Variants in ASPH observed in about 807,000 individuals in gnomAD.
ASPH encodes the protein aspartate beta-hydroxylase, also known as aspartyl/asparaginyl beta-hydroxylase.
A neutral mutation model predicts 118.4 loss-of-function variants in ASPH; 100 were observed. That is an observed-to-expected ratio of 0.84 (90% confidence interval 0.72 to 1.00). The LOEUF (loss-of-function observed/expected upper bound fraction) is 1.00, where lower values mean the gene tolerates loss of function less well. ASPH is among the 50% of genes least tolerant of loss of function. The pLI is 0.00. For missense variants in ASPH, 920 were observed against 919.5 expected (o/e 1.00, Z -0.01); for synonymous variants, 315 against 325.6 (o/e 0.97, Z 0.35).
chr8:61,562,639 CT>C (rs1484578433), intron 18 of ASPH, 104 bp downstream of exon 18: 4 of 1,162,190 alleles, frequency 3.4e-6, no homozygotes, highest in African/African-American at 1.6e-5. Context: ...TACTTACATG[CT>C]TTTTAACTTA....
intron 13 of ASPH, among the ~76,000 whole-genome samples, chr8:61,628,016 C>A (rs1225627204): frequency 1.3e-5 from 2 of 152,042 alleles, no homozygotes; most frequent in African/African-American, 4.8e-5. Context: ...CAGCCAAGCT[C>A]CCACCATTTT....
intron 14 of ASPH, chr8:61,607,408 A>C: frequency 3.3e-6 from 2 of 609,364 alleles, no homozygotes; most frequent in East Asian, 5.7e-5. Flanking sequence ...AATGAACTCA[A>C]AGGCAAAAAT....
intron 3 of ASPH, chr8:61,676,410 T>A (rs1825410643): frequency 8.3e-7 from 1 of 1,204,666 alleles, no homozygotes; most frequent in East Asian, 2.5e-5. Context: ...AAAAGCGAGG[T>A]GCATCAAGGT....
chr8:61,681,698 G>A lies in ASPH; in HGVS notation c.254-662C>T, dbSNP rs182024734. ...TATTCTACTTAACTTAATCAGCACA[G>A]GCAATCTATACTAAGAAAAAAAGGG... On this transcript the variant is annotated intron_variant, in intron 2 of 24. Coordinates refer to ENST00000379454, the MANE Select transcript of ASPH (RefSeq NM_004318.4). Among the ~76,000 whole-genome samples the A allele has an allele frequency of 2.6e-5, 4 of 151,790 alleles. No homozygotes were observed. In the East Asian group the frequency reaches 7.7e-4, roughly 29 times the overall value.
At chr8:61,515,168 C>G (rs1248669301) in intron 24 of ASPH, among the ~76,000 whole-genome samples, 3 of 152,092 alleles carry the variant, frequency 2.0e-5, no homozygotes, top group African/African-American at 7.2e-5. Context: ...GCTGGGTGCT[C>G]TTCTCCATCT....
At chr8:61,608,577 A>T (rs1364370931) in intron 14 of ASPH, among the ~76,000 whole-genome samples, 6 of 152,324 alleles carry the variant, frequency 3.9e-5, no homozygotes, top group East Asian at 1.9e-4. Flanking sequence ...ATATTTTATT[A>T]AAAAACCCCT....
chr8:61,600,104 A>C (rs562253328), intron 14 of ASPH, among the ~76,000 whole-genome samples: 5 of 152,338 alleles, frequency 3.3e-5, no homozygotes, highest in African/African-American at 9.6e-5. Context: ...ATGGTTCAAC[A>C]TATGAAAATA....
At chr8:61,603,267 CA>C (rs1210981969) in intron 14 of ASPH, among the ~76,000 whole-genome samples, 2 of 147,712 alleles carry the variant, frequency 1.4e-5, no homozygotes, top group African/African-American at 5.0e-5. Flanking sequence ...TGGATACTTT[CA>C]CTGAATAATC....
intron 14 of ASPH, among the ~76,000 whole-genome samples, chr8:61,595,854 T>C (rs1312797143): frequency 1.3e-5 from 2 of 152,118 alleles, no homozygotes; most frequent in Non-Finnish European, 2.9e-5. Context: ...TGTTGGCACC[T>C]AAGCATATCA....
At chr8:61,662,739 A>T in intron 3 of ASPH, 1 of 619,688 alleles carries the variant, frequency 1.6e-6, no homozygotes, top group Non-Finnish European at 2.0e-6. Context: ...AAGTGCTTTT[A>T]AAGGATCTTT....
At chr8:61,556,125 G>T (rs1441643074) in intron 18 of ASPH, 103 bp from the exon 19 acceptor site, 2 of 922,328 alleles carry the variant, frequency 2.2e-6, no homozygotes, top group African/African-American at 1.7e-5. Context: ...TAGCTTTGTT[G>T]TACTTGGATT....
chr8:61,531,365 C>G (rs1225751724), intron 21 of ASPH, among the ~76,000 whole-genome samples: 1 of 152,112 alleles, frequency 6.6e-6, no homozygotes, highest in Non-Finnish European at 1.5e-5. Flanking sequence ...TGGTACTGGG[C>G]TCCCTAATTA....
chr8:61,542,221 T>C (rs909294498), intron 21 of ASPH, among the ~76,000 whole-genome samples: 1 of 152,242 alleles, frequency 6.6e-6, no homozygotes, highest in African/African-American at 2.4e-5. Context: ...TCCTTACATT[T>C]AATGTAATTG....
At position 61,548,048 on chromosome 8, in the gene ASPH, G is replaced by C. The variant is rs1231027172; in HGVS notation, c.1764+23C>G. The C allele has an allele frequency of 1.9e-6, 3 of 1,601,262 alleles. No individual in the cohort carries two copies. In the South Asian group the frequency reaches 3.4e-5, roughly 18 times the overall value. On this transcript the variant is annotated intron_variant, in intron 21 of 24. Coordinates refer to ENST00000379454, the MANE Select transcript of ASPH (RefSeq NM_004318.4). ...AGGAAATAGACAAAGATCTGGTGAG[G>C]ATGATGTCTAAGTTATACTTACCTT...
At chr8:61,632,677 AATT>A (rs749987093) in intron 13 of ASPH, 16 of 495,004 alleles carry the variant, frequency 3.2e-5, no homozygotes, top group Non-Finnish European at 5.2e-5. Context: ...TTCTGCAGAT[AATT>A]ATTATTAATG....
At chr8:61,693,929 G>A (rs898204479) in intron 1 of ASPH, among the ~76,000 whole-genome samples, 6 of 152,086 alleles carry the variant, frequency 3.9e-5, no homozygotes, top group African/African-American at 1.4e-4. Flanking sequence ...AGTATCCCCC[G>A]CCACAGAGGC....
In ASPH at chr8:61,637,754, C is replaced by T. The variant is rs145193574; in HGVS notation, c.889+193G>A. 4.0e-3 allele frequency among the ~76,000 whole-genome samples: 614 copies of T among 152,272 alleles called. 3 individuals are homozygous for T. Among genetic ancestry groups the T allele is most frequent in the African/African-American group, 0.014 (597 of 41,548 alleles). The stretch of plus-strand genomic sequence containing the variant: ...ATTGTACTTCTCATAATCCTTAATT[C>T]CGTTATTTATTATCTGTTTGGCCAC... On this transcript the variant is annotated intron_variant, in intron 12 of 24. Transcript: ENST00000379454.
chr8:61,514,385 C>T (rs1302179655), intron 24 of ASPH, among the ~76,000 whole-genome samples: 1 of 151,860 alleles, frequency 6.6e-6, no homozygotes, highest in Non-Finnish European at 1.5e-5. Context: ...AATCACAGCT[C>T]ACTGCAGCCT....
intron 24 of ASPH, among the ~76,000 whole-genome samples, chr8:61,504,875 T>A (rs1412620858): frequency 6.6e-6 from 1 of 152,172 alleles, no homozygotes; most frequent in African/African-American, 2.4e-5. Context: ...ACAGATAAAG[T>A]ACTGAGTATT....
Sources: gnomAD v4.1 joint callset for allele counts (sites outside exome capture counted in the v4.1 genomes callset) on GRCh38, gnomAD v4.1.1 for gene constraint, MANE v1.5 for transcripts, NCBI Gene and HGNC (gene_info 2026-07-23, HGNC 2026-07-21) for gene names.